DDX10: variants seen among roughly 807,000 people sequenced by gnomAD.
DDX10 encodes the protein probable ATP-dependent RNA helicase DDX10.
A neutral mutation model predicts 104.3 loss-of-function variants in DDX10; 74 were observed. The ratio of observed to expected loss-of-function variants is 0.71; its 90% CI spans 0.59 to 0.86. DDX10 has a LOEUF of 0.86. Ranked by LOEUF, DDX10 falls within the 40% of genes least tolerant of loss-of-function variation. DDX10 has a pLI of 0.00. For synonymous variants in DDX10, 351 were observed against 353.4 expected (o/e 0.99, Z 0.08); for missense variants, 952 against 1,040.0 (o/e 0.92, Z 1.16).
At chr11:108,761,167 T>C (rs936031931) in intron 13 of DDX10, among the ~76,000 whole-genome samples, 2 of 152,138 alleles carry the variant, frequency 1.3e-5, no homozygotes, top group Non-Finnish European at 2.9e-5. Context: ...CCTTTTCTTT[T>C]CCTAATGGCA....
intron 3 of DDX10, 177 bp downstream of exon 3, chr11:108,675,903 G>A: frequency 1.4e-6 from 1 of 712,844 alleles, no homozygotes. Context: ...TTTTCCCCAG[G>A]TTCTAGCACA....
chr11:108,884,905 T>C (rs1218757934), intron 16 of DDX10, among the ~76,000 whole-genome samples: 1 of 152,226 alleles, frequency 6.6e-6, no homozygotes, highest in Non-Finnish European at 1.5e-5. Context: ...AATGTTTTGA[T>C]AAGCTTCACA....
intron 13 of DDX10, among the ~76,000 whole-genome samples, chr11:108,805,928 T>G (rs1300286264): frequency 2.6e-5 from 4 of 152,194 alleles, no homozygotes; most frequent in Admixed American, 6.5e-5. Context: ...TTCTAAAAAT[T>G]GTTTACACAT....
intron 1 of DDX10, among the ~76,000 whole-genome samples, chr11:108,668,517 A>G (rs1262203006): frequency 6.6e-6 from 1 of 152,210 alleles, no homozygotes; most frequent in Non-Finnish European, 1.5e-5. Flanking sequence ...TTTGAATAGC[A>G]GGATTATCAT....
At chr11:108,779,949 G>T (rs569994347) in intron 13 of DDX10, among the ~76,000 whole-genome samples, 4 of 152,214 alleles carry the variant, frequency 2.6e-5, no homozygotes, top group Non-Finnish European at 4.4e-5. Flanking sequence ...TTTACCTTCC[G>T]TTATGCTACT....
chr11:108,939,308 G>C (rs145207261), intron 17 of DDX10, among the ~76,000 whole-genome samples: 12 of 152,240 alleles, frequency 7.9e-5, no homozygotes, highest in Non-Finnish European at 1.5e-4. Flanking sequence ...ATCTGAGTTT[G>C]AATCCCATGG....
At chr11:108,750,119 A>G (rs1416724101) in intron 13 of DDX10, among the ~76,000 whole-genome samples, 1 of 152,150 alleles carries the variant, frequency 6.6e-6, no homozygotes, top group Admixed American at 6.5e-5. Context: ...AGTTAATGGA[A>G]ATGAGAAGCC....
At chr11:108,701,150 A>G (rs1047557372) in intron 9 of DDX10, among the ~76,000 whole-genome samples, 1 of 151,868 alleles carries the variant, frequency 6.6e-6, no homozygotes, top group Admixed American at 6.6e-5. Context: ...TTTTAAATCT[A>G]GTATAGAATC....
intron 13 of DDX10, among the ~76,000 whole-genome samples, chr11:108,808,307 C>T (rs1862128191): frequency 6.8e-6 from 1 of 147,906 alleles, no homozygotes; most frequent in African/African-American, 2.5e-5. Context: ...ATAATTTGAC[C>T]TCTAAGTCAA....
chr11:108,708,800 TCAAA>T (rs1164088718), intron 10 of DDX10, among the ~76,000 whole-genome samples: 1 of 152,164 alleles, frequency 6.6e-6, no homozygotes, highest in African/African-American at 2.4e-5. Flanking sequence ...ACTCCTGGCC[TCAAA>T]CAATCTGCCT....
chr11:108,913,409 C>A (rs762491486), intron 16 of DDX10, among the ~76,000 whole-genome samples: 81 of 152,074 alleles, frequency 5.3e-4, no homozygotes, highest in Non-Finnish European at 1.0e-3. Flanking sequence ...ATCATCATTC[C>A]TGCCTTAGTC....
chr11:108,888,268 A>G (rs1312261566), intron 16 of DDX10, among the ~76,000 whole-genome samples: 2 of 152,214 alleles, frequency 1.3e-5, no homozygotes, highest in African/African-American at 2.4e-5. Context: ...TGGCAATACT[A>G]TTCTAACATG....
intron 16 of DDX10, among the ~76,000 whole-genome samples, chr11:108,889,088 G>T (rs1335590689): frequency 6.6e-6 from 1 of 152,148 alleles, no homozygotes; most frequent in Non-Finnish European, 1.5e-5. Context: ...TGATTATACA[G>T]ATGTCAGAAT....
chr11:108,841,752 T>C (rs1862641784), intron 15 of DDX10, among the ~76,000 whole-genome samples: 1 of 152,182 alleles, frequency 6.6e-6, no homozygotes, highest in Admixed American at 6.5e-5. Flanking sequence ...AGTTTTTATT[T>C]TGAGATAATT....
chr11:108,819,316 A>T (rs1043033461), intron 13 of DDX10, among the ~76,000 whole-genome samples: 1 of 152,178 alleles, frequency 6.6e-6, no homozygotes. Flanking sequence ...CTAGAGTAAC[A>T]GAAGAAAATG....
intron 16 of DDX10, among the ~76,000 whole-genome samples, chr11:108,868,981 T>TG (rs1233656472): frequency 1.3e-5 from 2 of 151,526 alleles, no homozygotes; most frequent in Non-Finnish European, 3.0e-5. Flanking sequence ...TTTTTTTTTT[T>TG]TCCTGACTGC....
intron 13 of DDX10, among the ~76,000 whole-genome samples, chr11:108,761,760 A>G (rs1427769633): frequency 6.6e-6 from 1 of 152,148 alleles, no homozygotes; most frequent in African/African-American, 2.4e-5. Context: ...GTCACCAGAG[A>G]AAGTATCTTG....
chr11:108,676,101 T>C (rs140300189), intron 3 of DDX10, among the ~76,000 whole-genome samples: 22 of 152,388 alleles, frequency 1.4e-4, no homozygotes, highest in Non-Finnish European at 2.5e-4. Flanking sequence ...GTGGCATTTA[T>C]ACTTGCCACC....
intron 16 of DDX10, among the ~76,000 whole-genome samples, chr11:108,863,244 T>C (rs893879958): frequency 6.6e-6 from 1 of 152,242 alleles, no homozygotes; most frequent in Non-Finnish European, 1.5e-5. Flanking sequence ...TAATGTAGCC[T>C]CATTTTTATC....
Sources: gnomAD v4.1 joint callset for allele counts (sites outside exome capture counted in the v4.1 genomes callset) on GRCh38, gnomAD v4.1.1 for gene constraint, MANE v1.5 for transcripts, NCBI Gene and HGNC (gene_info 2026-07-23, HGNC 2026-07-21) for gene names.